Variants in PFKFB4 observed in about 807,000 individuals in gnomAD.
PFKFB4 encodes the protein 6-phosphofructo-2-kinase/fructose-2,6-biphosphatase 4.
A neutral mutation model predicts 62.8 loss-of-function variants in PFKFB4; 42 were observed. That is an observed-to-expected ratio of 0.67 (90% CI 0.52 to 0.86). PFKFB4 has a LOEUF of 0.86. Ranked by LOEUF, PFKFB4 falls within the 40% of genes least tolerant of loss-of-function variation. The pLI, the probability that PFKFB4 is intolerant of heterozygous loss-of-function variation, is 0.00. For synonymous variants in PFKFB4, 204 were observed against 240.7 expected (o/e 0.85, Z 1.41); for missense variants, 475 against 627.2 (o/e 0.76, Z 2.59).
At position 48,518,104 on chromosome 3, in the gene PFKFB4, T is replaced by G. The variant is rs1553835891; in HGVS notation, c.*1643A>C. The G allele has an allele frequency of 6.6e-6, 1 of 152,152 alleles. No individual in the cohort carries two copies. Among genetic ancestry groups the G allele is most frequent in the Non-Finnish European group, 1.5e-5 (1 of 68,038 alleles). 9.4% of individuals were successfully genotyped at this position (152,152 alleles called of 1,614,324 possible). On this transcript the variant is annotated 3_prime_UTR_variant, in exon 14 of 14. Coordinates refer to ENST00000232375, the MANE Select transcript of PFKFB4 (RefSeq NM_004567.4). ...TCCAGGTGACAAAAGTCACCAAAAC[T>G]CCAAAATACACAGAAGCAAAGGCTG...
At chr3:48,559,342 C>T (rs912555634), upstream of PFKFB4, among the ~76,000 whole-genome samples, 1 of 152,220 alleles carries the variant, frequency 6.6e-6, no homozygotes, top group African/African-American at 2.4e-5. Flanking sequence ...CTCCATCTCC[C>T]CTCCCATGGC....
chr3:48,540,749 A>G (rs2042774260), intron 4 of PFKFB4, among the ~76,000 whole-genome samples: 1 of 150,834 alleles, frequency 6.6e-6, no homozygotes, highest in African/African-American at 2.4e-5. Flanking sequence ...AGCTGGGATT[A>G]CAGGCATGTA....
At position 48,538,566 on chromosome 3, in the gene PFKFB4, C is replaced by T. The variant is rs774711437; in HGVS notation, c.564G>A (p.Thr188=). ...ACTCAATGCGCCTCATGAAGTCCTCCGTAGCCTCATCACTGTCGCGGTTGA... is the reference window on the plus strand; with the variant it reads ...ACTCAATGCGCCTCATGAAGTCCTCTGTAGCCTCATCACTGTCGCGGTTGA... The part of the protein sequence containing the change: ...DYVNRDSDEA[T]EDFMRRIECY... Residue 188 remains threonine (T), a synonymous_variant, in exon 7 of 14, where the codon ACG becomes ACA. Transcript: ENST00000232375. 33 of 1,614,054 alleles carry T rather than the reference C, an allele frequency of 2.0e-5. No individual in the cohort carries two copies. Among genetic ancestry groups the T allele is most frequent in the East Asian group, 1.3e-4 (6 of 44,894 alleles).
chr3:48,550,140 G>A lies in PFKFB4; in HGVS notation c.192C>T (p.Asn64=). The part of the protein sequence containing the change: ...YISKKLTRYL[N]WIGVPTREFN... ...CACCCCGAGTGGGCACACCAATCCA[G>A]TTCAGGTATCGAGTCAGCTTCTTGG... The change falls in exon 2 of 14, where the codon AAC becomes AAT. Residue 64 remains asparagine, a synonymous_variant. Transcript: ENST00000232375. 6.2e-7 allele frequency: 1 copy of A among 1,613,514 alleles called. No homozygotes were observed. Among genetic ancestry groups the A allele is most frequent in the Middle Eastern group, 1.6e-4 (1 of 6,062 alleles).
chr3:48,539,332 CG>C, intron 5 of PFKFB4, 22 bp from the exon 6 acceptor site: 1 of 1,611,700 alleles, frequency 6.2e-7, no homozygotes. Context: ...CCAGAAGCGC[CG>C]GGGTGGTGGG....
chr3:48,546,285 AT>A (rs1406141494), intron 3 of PFKFB4, among the ~76,000 whole-genome samples: 1 of 152,080 alleles, frequency 6.6e-6, no homozygotes, highest in African/African-American at 2.4e-5. Context: ...ATGTGTGTGC[AT>A]GCACCCATGT....
At chr3:48,550,057 TCTC>T in intron 2 of PFKFB4, 58 bp downstream of exon 2, 1 of 1,423,310 alleles carries the variant, frequency 7.0e-7, no homozygotes, top group South Asian at 1.1e-5. Flanking sequence ...GAATAGGCCT[TCTC>T]TATTCTCTTC....
intron 9 of PFKFB4, among the ~76,000 whole-genome samples, chr3:48,528,583 A>C (rs1461041590): frequency 1.3e-5 from 2 of 152,162 alleles, no homozygotes; most frequent in Admixed American, 6.5e-5. Context: ...GGATTGCTTG[A>C]GCCCAGGAGA....
intron 7 of PFKFB4, chr3:48,536,673 C>T (rs1029659107): frequency 3.5e-5 from 19 of 549,824 alleles, no homozygotes; most frequent in East Asian, 1.7e-4. Context: ...CTGTGGGAGA[C>T]GGGAGATGGG....
At chr3:48,536,729 G>A (rs546059685) in intron 7 of PFKFB4, 1 of 469,454 alleles carries the variant, frequency 2.1e-6, no homozygotes, top group South Asian at 3.1e-5. Context: ...CATCCAAAGT[G>A]GGGGGTCCGC....
chr3:48,539,376 GCCT>G, intron 5 of PFKFB4, 66 bp from the exon 6 acceptor site: 1 of 1,380,130 alleles, frequency 7.2e-7, no homozygotes, highest in Non-Finnish European at 1.0e-6. Context: ...AGGGCCTCCC[GCCT>G]TGCTCCTCGG....
chr3:48,543,525 A>T, intron 4 of PFKFB4, 55 bp downstream of exon 4: 1 of 1,485,304 alleles, frequency 6.7e-7, no homozygotes. Flanking sequence ...AAAGGCACAG[A>T]TGTGGATGGG....
chr3:48,532,990 A>T (rs2042474318), intron 9 of PFKFB4, among the ~76,000 whole-genome samples: 1 of 152,240 alleles, frequency 6.6e-6, no homozygotes, highest in Admixed American at 6.5e-5. Flanking sequence ...TCATAAAGAC[A>T]GAAAGTGGTT....
At chr3:48,525,019 G>T (rs1575355878) in intron 10 of PFKFB4, among the ~76,000 whole-genome samples, 1 of 152,226 alleles carries the variant, frequency 6.6e-6, no homozygotes, top group South Asian at 2.1e-4. Context: ...GATGGGCTCA[G>T]CCTGTGACAA....
In PFKFB4 at chr3:48,539,516, C is replaced by T. The variant is rs560640806; in HGVS notation, c.453+181G>A. Reference sequence around the variant, plus strand: ...TGCTGCCCTCTCCTAGACTCTCCCACGAAAACCCCCTTCCCTCTGGAAAGC... The same window carrying T: ...TGCTGCCCTCTCCTAGACTCTCCCATGAAAACCCCCTTCCCTCTGGAAAGC... On this transcript the variant is annotated intron_variant, in intron 5 of 13. Coordinates refer to ENST00000232375, the MANE Select transcript of PFKFB4 (RefSeq NM_004567.4). The T allele has an allele frequency of 6.5e-5, 45 of 696,518 alleles. No individual in the cohort carries two copies. In the East Asian group the frequency reaches 1.0e-3, roughly 16 times the overall value. The allele number at this position is 696,518 out of a possible 1,614,324, so 43.1% of individuals were successfully genotyped here.
At chr3:48,545,094 C>T (rs772379952) in intron 3 of PFKFB4, among the ~76,000 whole-genome samples, 1 of 151,810 alleles carries the variant, frequency 6.6e-6, no homozygotes, top group Non-Finnish European at 1.5e-5. Context: ...TATTATCTTC[C>T]CTTTTTCTAT....
At chr3:48,562,093 ACACT>A (rs760416223), upstream of PFKFB4, 2 of 152,406 alleles carry the variant, frequency 1.3e-5, no homozygotes, top group Non-Finnish European at 2.9e-5. The surrounding 1 kb of genome is among the most constrained non-coding windows in gnomAD (Gnocchi z 4.3). Flanking sequence ...CTGCTCACAC[ACACT>A]CACAGCTGTC....
chr3:48,553,892 A>G (rs2043231780), intron 1 of PFKFB4, among the ~76,000 whole-genome samples: 1 of 152,208 alleles, frequency 6.6e-6, no homozygotes, highest in African/African-American at 2.4e-5. Flanking sequence ...CTTTCAGCTG[A>G]GAAAAGCCAT....
Position 48,519,696 on chromosome 3 carries a change from C to A in PFKFB4, c.*51G>T, listed in dbSNP as rs1262341907. ...CACACACTGGAGGGCCTGGAATGAC[C>A]CCCTCTGCAGAGAGCAGTGCCTGCC... On this transcript the variant is annotated 3_prime_UTR_variant, in exon 14 of 14. Transcript: ENST00000232375. 3 of 1,352,428 alleles carry A rather than the reference C, an allele frequency of 2.2e-6. No individual in the cohort carries two copies. Among genetic ancestry groups the A allele is most frequent in the Non-Finnish European group, 2.1e-6 (2 of 944,116 alleles). The allele number at this position is 1,352,428 out of a possible 1,614,324, so 83.8% of individuals were successfully genotyped here.
Sources: allele counts gnomAD v4.1 joint callset (sites outside exome capture counted in the v4.1 genomes callset), GRCh38; gene constraint gnomAD v4.1.1; non-coding constraint Gnocchi (gnomAD v3.1); transcripts MANE v1.5; gene names NCBI Gene and HGNC (gene_info 2026-07-23, HGNC 2026-07-21).